The following GALNTL6 variants were observed in gnomAD, a reference collection of about 807,000 sequenced individuals.
GALNTL6 encodes the protein polypeptide N-acetylgalactosaminyltransferase like 6.
GALNTL6 carries 46 observed loss-of-function variants against 73.7 expected under a neutral mutation model. The ratio of observed to expected loss-of-function variants is 0.62; its 90% CI spans 0.49 to 0.80. The LOEUF (loss-of-function observed/expected upper bound fraction) is 0.80. GALNTL6 is among the 30% of genes least tolerant of loss of function. GALNTL6 has a pLI of 0.00. For synonymous variants in GALNTL6, 259 were observed against 263.7 expected, an observed-to-expected ratio of 0.98 and a Z score of 0.17; for missense variants, 604 against 755.0, an observed-to-expected ratio of 0.80 and a Z score of 2.34.
intron 2 of GALNTL6, among the ~76,000 whole-genome samples, chr4:172,040,846 T>C (rs1742069352): frequency 6.6e-6 from 1 of 152,106 alleles, no homozygotes; most frequent in Non-Finnish European, 1.5e-5. Flanking sequence ...AATTAAACTA[T>C]TAATGTCATA....
chr4:171,870,226 C>A (rs1445705963), intron 2 of GALNTL6, among the ~76,000 whole-genome samples: 5 of 152,140 alleles, frequency 3.3e-5, no homozygotes, highest in Admixed American at 1.3e-4. Flanking sequence ...ATGTGGCTAA[C>A]TTCAGGTTAA....
At chr4:172,439,761 A>G (rs1468751003) in intron 5 of GALNTL6, among the ~76,000 whole-genome samples, 1 of 151,978 alleles carries the variant, frequency 6.6e-6, no homozygotes, top group Admixed American at 6.6e-5. Flanking sequence ...ATCAATCCAA[A>G]TAGTCGATTT....
chr4:172,308,430 C>G (rs1740233976), intron 3 of GALNTL6, among the ~76,000 whole-genome samples: 1 of 151,942 alleles, frequency 6.6e-6, no homozygotes, highest in Non-Finnish European at 1.5e-5. Flanking sequence ...GCTGTGAACT[C>G]CCTCCTGTCC....
chr4:172,726,721 A>G (rs537862191), intron 5 of GALNTL6, among the ~76,000 whole-genome samples: 1 of 152,306 alleles, frequency 6.6e-6, no homozygotes, highest in South Asian at 2.1e-4. Flanking sequence ...TTCAACACAT[A>G]TTGATTGAGA....
intron 2 of GALNTL6, among the ~76,000 whole-genome samples, chr4:171,850,612 T>G (rs1735498638): frequency 6.6e-6 from 1 of 152,256 alleles, no homozygotes; most frequent in Non-Finnish European, 1.5e-5. Flanking sequence ...CAGCATGGCC[T>G]TAAACCCTGT....
intron 2 of GALNTL6, among the ~76,000 whole-genome samples, chr4:172,210,167 A>G (rs1047106385): frequency 3.3e-5 from 5 of 152,092 alleles, no homozygotes; most frequent in Admixed American, 3.3e-4. Context: ...GTCATTTTTA[A>G]GACACCTTAT....
intron 3 of GALNTL6, among the ~76,000 whole-genome samples, chr4:172,305,354 A>G (rs1389726391): frequency 6.6e-6 from 1 of 152,146 alleles, no homozygotes; most frequent in African/African-American, 2.4e-5. Context: ...ATATTTAAAT[A>G]TAATATTTAA....
At position 172,625,035 on chromosome 4, in the gene GALNTL6, C is replaced by T. The variant is rs73869570; in HGVS notation, c.554-184326C>T. ...TTTCGTTGATTCTTTGTATGGATTT[C>T]GGGGTCTCAATTTCTCTCAGTTCTT... On this transcript the variant is annotated intron_variant, in intron 5 of 12. Coordinates refer to ENST00000506823, the MANE Select transcript of GALNTL6 (RefSeq NM_001034845.3). 8.6e-3 allele frequency among the ~76,000 whole-genome samples: 1,306 copies of T among 151,886 alleles called. 16 individuals carry two copies. Among genetic ancestry groups the T allele is most frequent in the African/African-American group, 0.026 (1,097 of 41,480 alleles).
intron 2 of GALNTL6, among the ~76,000 whole-genome samples, chr4:172,206,908 C>G (rs367945736): frequency 2.0e-5 from 3 of 149,936 alleles, no homozygotes; most frequent in East Asian, 2.0e-4. Context: ...AGCTCCGCCT[C>G]TCGGGTTCAG....
intron 2 of GALNTL6, among the ~76,000 whole-genome samples, chr4:171,827,063 T>C (rs513929): frequency 0.68 from 103,232 of 151,908 alleles, 36,984 homozygotes; most frequent in East Asian, 0.83. Context: ...CCTGGAAACA[T>C]GGACTCCAAA....
At chr4:172,681,493 CTT>C (rs1310123750) in intron 5 of GALNTL6, among the ~76,000 whole-genome samples, 2 of 152,006 alleles carry the variant, frequency 1.3e-5, no homozygotes, top group African/African-American at 4.8e-5. Flanking sequence ...TGAATAATGA[CTT>C]ATAATTAGAA....
intron 2 of GALNTL6, among the ~76,000 whole-genome samples, chr4:172,030,797 CACACATACAT>C (rs144171083): frequency 0.01 from 1,529 of 151,612 alleles, 22 homozygotes; most frequent in African/African-American, 0.035. Context: ...CCGTATTTCA[CACACATACAT>C]ACACATATAT....
intron 2 of GALNTL6, among the ~76,000 whole-genome samples, chr4:171,859,187 C>A (rs1159468052): frequency 6.6e-6 from 1 of 152,122 alleles, no homozygotes; most frequent in Non-Finnish European, 1.5e-5. Flanking sequence ...GAGTACTCAT[C>A]AGCTTCAAAG....
chr4:171,983,338 G>C (rs1344007636), intron 2 of GALNTL6, among the ~76,000 whole-genome samples: 1 of 152,106 alleles, frequency 6.6e-6, no homozygotes, highest in Non-Finnish European at 1.5e-5. Context: ...CTCTATTCCT[G>C]TAACAGGTGC....
chr4:172,172,544 CA>C (rs1734864437), intron 2 of GALNTL6, among the ~76,000 whole-genome samples: 1 of 151,964 alleles, frequency 6.6e-6, no homozygotes, highest in South Asian at 2.1e-4. Flanking sequence ...CACACACAAA[CA>C]CACAAAGATC....
chr4:172,298,687 T>A (rs1739781383), intron 3 of GALNTL6, among the ~76,000 whole-genome samples: 1 of 152,246 alleles, frequency 6.6e-6, no homozygotes, highest in Admixed American at 6.5e-5. Flanking sequence ...TTGCATATGT[T>A]GAACCAGGCT....
chr4:171,986,060 CTTCTGTCCAA>C (rs1740069688), intron 2 of GALNTL6, among the ~76,000 whole-genome samples: 1 of 131,800 alleles, frequency 7.6e-6, no homozygotes, highest in Admixed American at 7.5e-5. Flanking sequence ...AAAAAAAACA[CTTCTGTCCAA>C]TTGGAAAATT....
chr4:171,844,518 T>C (rs949059430), intron 2 of GALNTL6, among the ~76,000 whole-genome samples: 1 of 152,166 alleles, frequency 6.6e-6, no homozygotes, highest in Non-Finnish European at 1.5e-5. Flanking sequence ...ATTTTTGTTT[T>C]AAGTTTTATT....
intron 3 of GALNTL6, among the ~76,000 whole-genome samples, chr4:172,244,060 G>A (rs570747929): frequency 6.6e-6 from 1 of 152,178 alleles, no homozygotes; most frequent in African/African-American, 2.4e-5. Flanking sequence ...TAAACATCTA[G>A]CATGTGCTCT....
Sources: gnomAD v4.1 joint callset for allele counts (sites outside exome capture counted in the v4.1 genomes callset) on GRCh38, gnomAD v4.1.1 for gene constraint, MANE v1.5 for transcripts, NCBI Gene and HGNC (gene_info 2026-07-23, HGNC 2026-07-21) for gene names.